The following CADM2 variants were observed in gnomAD, a reference collection of about 807,000 sequenced individuals.
CADM2 encodes cell adhesion molecule 2, also known as immunoglobulin superfamily member 4D.
Under a neutral mutation model 49.8 loss-of-function variants are expected in CADM2, and 12 were observed. The observed-to-expected ratio is 0.24, with a 90% CI of 0.15 to 0.39. The LOEUF is 0.39. CADM2 is among the 10% of genes least tolerant of loss of function. The pLI, the probability that CADM2 is intolerant of heterozygous loss-of-function variation, is 1.00. For synonymous variants in CADM2, 214 were observed against 175.4 expected (o/e 1.22, Z -1.74); for missense variants, 378 against 492.3 (o/e 0.77, Z 2.20).
chr3:86,035,602 G>A (rs1735065284), intron 8 of CADM2, among the ~76,000 whole-genome samples: 2 of 151,992 alleles, frequency 1.3e-5, no homozygotes, highest in African/African-American at 2.4e-5. Flanking sequence ...GCTTCTGGTG[G>A]CATCTCATTA....
chr3:85,431,719 G>T (rs573192139), intron 1 of CADM2, among the ~76,000 whole-genome samples: 1 of 151,024 alleles, frequency 6.6e-6, no homozygotes, highest in Non-Finnish European at 1.5e-5. Flanking sequence ...AAGTTTGTTT[G>T]CTGAGAGTCA....
chr3:86,000,221 A>G (rs1730003236), intron 8 of CADM2, among the ~76,000 whole-genome samples: 1 of 152,194 alleles, frequency 6.6e-6, no homozygotes, highest in Non-Finnish European at 1.5e-5. Flanking sequence ...TATTTTCTCT[A>G]TAAATTAAGA....
chr3:85,511,813 A>G (rs1379631704), intron 1 of CADM2: 4 of 900,044 alleles, frequency 4.4e-6, no homozygotes, highest in Non-Finnish European at 5.3e-6. Flanking sequence ...TCGAAATAAT[A>G]TCCCTTTGAA....
intron 1 of CADM2, among the ~76,000 whole-genome samples, chr3:85,715,486 A>G (rs985489041): frequency 7.9e-5 from 12 of 152,116 alleles, no homozygotes; most frequent in African/African-American, 2.9e-4. Context: ...CTGATTTTAG[A>G]AGTTAGTTTT....
chr3:85,975,217 C>G (rs1033563954), intron 8 of CADM2, among the ~76,000 whole-genome samples: 19 of 151,018 alleles, frequency 1.3e-4, no homozygotes, highest in African/African-American at 3.9e-4. Flanking sequence ...TTTTAATATA[C>G]CATGATATGT....
intron 1 of CADM2, among the ~76,000 whole-genome samples, chr3:85,005,993 C>G (rs1480248138): frequency 6.6e-6 from 1 of 152,062 alleles, no homozygotes; most frequent in African/African-American, 2.4e-5. Context: ...AGAGAATGCT[C>G]TCCTACTACT....
At chr3:85,723,507 A>C (rs1380759407) in intron 1 of CADM2, among the ~76,000 whole-genome samples, 1 of 152,124 alleles carries the variant, frequency 6.6e-6, no homozygotes. Context: ...ATATGCAGAG[A>C]ATTATAATTG....
chr3:85,531,515 T>C (rs1269654280), intron 1 of CADM2, among the ~76,000 whole-genome samples: 1 of 152,208 alleles, frequency 6.6e-6, no homozygotes, highest in Non-Finnish European at 1.5e-5. Context: ...AGTGTTTGAT[T>C]TTCCTCAAAT....
intron 1 of CADM2, among the ~76,000 whole-genome samples, chr3:85,429,518 T>A (rs1369941927): frequency 6.6e-6 from 1 of 152,138 alleles, no homozygotes; most frequent in East Asian, 1.9e-4. Context: ...TAACTTTTTT[T>A]TGATGCAAGT....
At chr3:85,888,565 A>G (rs187213409) in intron 5 of CADM2, among the ~76,000 whole-genome samples, 59 of 152,294 alleles carry the variant, frequency 3.9e-4, no homozygotes, top group African/African-American at 1.3e-3. Context: ...TGCCATTTAC[A>G]GAGCATTTAT....
At chr3:85,605,501 G>A (rs1017614536) in intron 1 of CADM2, among the ~76,000 whole-genome samples, 1 of 152,014 alleles carries the variant, frequency 6.6e-6, no homozygotes, top group Non-Finnish European at 1.5e-5. Context: ...TGATATATAA[G>A]CAGGATAAGA....
chr3:85,255,516 G>A (rs928535422), intron 1 of CADM2, among the ~76,000 whole-genome samples: 7 of 151,702 alleles, frequency 4.6e-5, no homozygotes, highest in Non-Finnish European at 7.4e-5. Context: ...TTTAGCTTAA[G>A]CTCTTCAAAC....
At chr3:85,231,586 G>A (rs2042290179) in intron 1 of CADM2, among the ~76,000 whole-genome samples, 1 of 151,892 alleles carries the variant, frequency 6.6e-6, no homozygotes, top group Non-Finnish European at 1.5e-5. Context: ...TTACTTTCTG[G>A]AGCTTTATTG....
chr3:85,888,814 T>C (rs1317383824), intron 5 of CADM2, among the ~76,000 whole-genome samples: 1 of 152,152 alleles, frequency 6.6e-6, no homozygotes, highest in African/African-American at 2.4e-5. Context: ...AATTTCACTC[T>C]TCCATCTTTT....
intron 7 of CADM2, among the ~76,000 whole-genome samples, chr3:85,944,008 G>A (rs1197812505): frequency 6.6e-6 from 1 of 152,014 alleles, no homozygotes; most frequent in Non-Finnish European, 1.5e-5. Context: ...ACCTATCAGT[G>A]TGCTGTATTC....
chr3:85,011,008 C>G (rs558704193), intron 1 of CADM2, among the ~76,000 whole-genome samples: 2 of 151,222 alleles, frequency 1.3e-5, no homozygotes, highest in African/African-American at 4.9e-5. Context: ...GGACTACAGG[C>G]GCCTGCCACC....
At chr3:85,503,214 CAA>C (rs1030479422) in intron 1 of CADM2, among the ~76,000 whole-genome samples, 1 of 152,090 alleles carries the variant, frequency 6.6e-6, no homozygotes, top group Non-Finnish European at 1.5e-5. Flanking sequence ...AATTTCTCAA[CAA>C]GTTTATTTAA....
At chr3:85,950,580 T>C (rs968871383) in intron 7 of CADM2, among the ~76,000 whole-genome samples, 4 of 151,118 alleles carry the variant, frequency 2.6e-5, no homozygotes, top group Admixed American at 2.0e-4. Flanking sequence ...AAAATGCCAT[T>C]ATTTTCAAGT....
chr3:85,380,532 A>G (rs996909486), intron 1 of CADM2, among the ~76,000 whole-genome samples: 2 of 151,976 alleles, frequency 1.3e-5, no homozygotes, highest in Non-Finnish European at 1.5e-5. Flanking sequence ...TTCAATTAAT[A>G]TATTTTTAAA....
Sources: gnomAD v4.1 joint callset for allele counts (sites outside exome capture counted in the v4.1 genomes callset) on GRCh38, gnomAD v4.1.1 for gene constraint, MANE v1.5 for transcripts, NCBI Gene and HGNC (gene_info 2026-07-23, HGNC 2026-07-21) for gene names.